PRKG1: variants seen among roughly 807,000 people sequenced by gnomAD.
PRKG1 encodes cGMP-dependent protein kinase 1.
Under a neutral mutation model 88.1 loss-of-function variants are expected in PRKG1, and 35 were observed. The ratio of observed to expected loss-of-function variants is 0.40; its 90% CI spans 0.30 to 0.53. The LOEUF (loss-of-function observed/expected upper bound fraction) is 0.53, where lower values mean the gene tolerates loss of function less well. Among genes scored for constraint, PRKG1 ranks in the 20% least tolerant of loss-of-function variants. The pLI, the probability that PRKG1 is intolerant of heterozygous loss-of-function variation, is 0.59. For missense variants in PRKG1, 540 were observed against 839.8 expected (o/e 0.64, Z 4.41); for synonymous variants, 303 against 292.5 (o/e 1.04, Z -0.37).
intron 3 of PRKG1, among the ~76,000 whole-genome samples, chr10:51,783,950 G>T (rs889733154): frequency 6.6e-6 from 1 of 152,134 alleles, no homozygotes; most frequent in African/African-American, 2.4e-5. Context: ...TTGCAAAAGT[G>T]GCTAATTCTT....
At chr10:52,221,287 T>A (rs1840238870) in intron 9 of PRKG1, among the ~76,000 whole-genome samples, 3 of 152,208 alleles carry the variant, frequency 2.0e-5, no homozygotes, top group Non-Finnish European at 4.4e-5. Context: ...ATGTTTATTG[T>A]TGTTTTAAGG....
intron 2 of PRKG1, among the ~76,000 whole-genome samples, chr10:51,178,777 A>G (rs535123645): frequency 6.6e-6 from 1 of 152,342 alleles, no homozygotes; most frequent in East Asian, 1.9e-4. Flanking sequence ...TGCTAGAATA[A>G]GATAATTAAT....
At chr10:51,826,993 T>C (rs987229364) in intron 4 of PRKG1, among the ~76,000 whole-genome samples, 2 of 152,168 alleles carry the variant, frequency 1.3e-5, no homozygotes, top group African/African-American at 4.8e-5. Context: ...ACAGCCTATA[T>C]TGTACAGTCC....
At chr10:51,656,383 A>G (rs971955341) in intron 3 of PRKG1, among the ~76,000 whole-genome samples, 1 of 152,206 alleles carries the variant, frequency 6.6e-6, no homozygotes, top group South Asian at 2.1e-4. Flanking sequence ...GACGTCCCCA[A>G]TATGTGCACA....
At chr10:51,906,772 A>T (rs762734447) in intron 4 of PRKG1, among the ~76,000 whole-genome samples, 1 of 152,172 alleles carries the variant, frequency 6.6e-6, no homozygotes, top group African/African-American at 2.4e-5. Flanking sequence ...GGGATTCTGT[A>T]TAGAATGTAG....
intron 9 of PRKG1, among the ~76,000 whole-genome samples, chr10:52,189,608 G>C (rs937425420): frequency 3.3e-5 from 5 of 152,172 alleles, no homozygotes; most frequent in Admixed American, 1.3e-4. Context: ...AGGTGGTACA[G>C]TTTCATCCTG....
chr10:52,025,079 AGTG>A (rs1589530172), intron 5 of PRKG1, among the ~76,000 whole-genome samples: 2 of 152,184 alleles, frequency 1.3e-5, no homozygotes, highest in South Asian at 4.1e-4. Context: ...TCTGATGACC[AGTG>A]ATGATGAGCA....
At chr10:51,492,195 T>A (rs1840723931) in intron 3 of PRKG1, among the ~76,000 whole-genome samples, 1 of 152,192 alleles carries the variant, frequency 6.6e-6, no homozygotes, top group Non-Finnish European at 1.5e-5. Context: ...GCTGGATAGA[T>A]GACACCACTG....
At chr10:51,663,356 A>G (rs1840345495) in intron 3 of PRKG1, among the ~76,000 whole-genome samples, 1 of 152,112 alleles carries the variant, frequency 6.6e-6, no homozygotes, top group Admixed American at 6.6e-5. Flanking sequence ...TATGATTTTC[A>G]TCTTATAGCT....
chr10:52,091,127 G>A (rs73342934), intron 7 of PRKG1, among the ~76,000 whole-genome samples: 6,213 of 152,212 alleles, frequency 0.041, 440 homozygotes, highest in African/African-American at 0.14. Context: ...GCTCTTGTCT[G>A]TTGTAATCTC....
intron 3 of PRKG1, among the ~76,000 whole-genome samples, chr10:51,541,290 G>C (rs1740604097): frequency 6.6e-6 from 1 of 152,184 alleles, no homozygotes; most frequent in Admixed American, 6.5e-5. Flanking sequence ...AGGAGGCAGA[G>C]CTCAGGTGTT....
chr10:51,339,592 A>G (rs1240346956), intron 2 of PRKG1, among the ~76,000 whole-genome samples: 2 of 151,976 alleles, frequency 1.3e-5, no homozygotes, highest in Admixed American at 1.3e-4. Flanking sequence ...TTTTGTATAC[A>G]TTATTTCAAT....
intron 1 of PRKG1, among the ~76,000 whole-genome samples, chr10:51,066,952 C>T (rs985861432): frequency 6.6e-6 from 1 of 151,988 alleles, no homozygotes; most frequent in African/African-American, 2.4e-5. Flanking sequence ...CCTCTTAGAA[C>T]AACATATTTG....
chr10:51,475,604 G>A (rs1840167514), intron 3 of PRKG1, among the ~76,000 whole-genome samples: 1 of 151,992 alleles, frequency 6.6e-6, no homozygotes, highest in South Asian at 2.1e-4. Flanking sequence ...TTGCTGTTGA[G>A]CAGAGATATT....
Position 52,068,504 on chromosome 10 carries a change from G to T in PRKG1, c.935+5873G>T, listed in dbSNP as rs1008953051. 5.9e-5 allele frequency among the ~76,000 whole-genome samples: 9 copies of T among 152,276 alleles called. 1 individual carries two copies. The highest frequency in any genetic ancestry group is 5.2e-4 in the Admixed American group (8 of 15,304). ...TTTATTAATGATTAGTCACTGAGAA[G>T]AATTTCTTTTATCTGAAATGGGGAT... On this transcript the variant is annotated intron_variant, in intron 7 of 17. Transcript: ENST00000373980.
rs148782680 is a variant in PRKG1, at chr10:51,320,844, C to A, written c.479-146879C>A. ...TTGGGAATTACTCTTTTAACAAGTT[C>A]AGTTACTAGCATAAGTGATTTAACA... On this transcript the variant is annotated intron_variant, in intron 2 of 17. Transcript: ENST00000373980. Among the ~76,000 whole-genome samples the A allele has an allele frequency of 1.1e-3, 168 of 152,324 alleles. 3 individuals are homozygous for A. In the East Asian group the frequency reaches 0.029, roughly 26 times the overall value.
chr10:51,664,636 C>A (rs60970989), intron 3 of PRKG1, among the ~76,000 whole-genome samples: 6 of 151,930 alleles, frequency 3.9e-5, no homozygotes, highest in Non-Finnish European at 7.4e-5. Context: ...ATACTGAGGG[C>A]GAATAAGATA....
intron 10 of PRKG1, among the ~76,000 whole-genome samples, chr10:52,258,474 T>C (rs1841357585): frequency 6.6e-6 from 1 of 151,134 alleles, no homozygotes; most frequent in Non-Finnish European, 1.5e-5. Context: ...AGCTACTCTG[T>C]GAGGAGAACA....
intron 17 of PRKG1, among the ~76,000 whole-genome samples, chr10:52,291,497 T>G (rs1283733396): frequency 1.4e-5 from 2 of 147,022 alleles, no homozygotes; most frequent in Admixed American, 7.1e-5. Context: ...TGAGTGAGAA[T>G]ATGCGGTGTT....
Sources: allele counts gnomAD v4.1 joint callset (sites outside exome capture counted in the v4.1 genomes callset), GRCh38; gene constraint gnomAD v4.1.1; transcripts MANE v1.5; gene names NCBI Gene and HGNC (gene_info 2026-07-23, HGNC 2026-07-21).